SPIN1: variants seen among roughly 807,000 people sequenced by gnomAD.
SPIN1 encodes the protein spindlin-1.
In SPIN1, 3 loss-of-function variants were observed where a neutral mutation model predicts 26.0. That is an observed-to-expected ratio of 0.12 (90% CI 0.05 to 0.30). SPIN1 has a LOEUF of 0.30. Among genes scored for constraint, SPIN1 ranks in the 10% least tolerant of loss-of-function variants. The pLI, the probability that SPIN1 is intolerant of heterozygous loss-of-function variation, is 1.00. For synonymous variants in SPIN1, 101 were observed against 116.5 expected, an observed-to-expected ratio of 0.87 and a Z score of 0.86; for missense variants, 126 against 333.4, an observed-to-expected ratio of 0.38 and a Z score of 4.84.
At chr9:88,414,456 G>A (rs191358112) in intron 1 of SPIN1, among the ~76,000 whole-genome samples, 5 of 152,172 alleles carry the variant, frequency 3.3e-5, no homozygotes, top group Non-Finnish European at 5.9e-5. Flanking sequence ...CTGGAGCTGG[G>A]ACAAAGGCCA....
intron 1 of SPIN1, among the ~76,000 whole-genome samples, chr9:88,412,501 A>G (rs774331677): frequency 2.0e-5 from 3 of 152,086 alleles, no homozygotes; most frequent in African/African-American, 4.8e-5. Context: ...TGTTGTCCAT[A>G]GGTTTGGGCA....
intron 2 of SPIN1, among the ~76,000 whole-genome samples, chr9:88,442,369 G>C (rs1349343740): frequency 6.7e-6 from 1 of 148,546 alleles, no homozygotes; most frequent in Non-Finnish European, 1.5e-5. Context: ...TTATTCCTCT[G>C]TGGTAAGGTG....
intron 5 of SPIN1, 31 bp from the exon 6 acceptor site, chr9:88,475,047 C>CTCT: frequency 1.2e-6 from 1 of 839,834 alleles, no homozygotes; most frequent in East Asian, 3.8e-5. Context: ...CTCTCTCTCT[C>CTCT]TTTTTTTTTT....
intron 1 of SPIN1, among the ~76,000 whole-genome samples, chr9:88,395,622 A>AT (rs1469993913): frequency 6.6e-6 from 1 of 152,012 alleles, no homozygotes; most frequent in African/African-American, 2.4e-5. Context: ...AAACTTTTTA[A>AT]TTTTTTGTAG....
chr9:88,394,109 A>G (rs570808680), intron 1 of SPIN1, among the ~76,000 whole-genome samples: 2 of 152,306 alleles, frequency 1.3e-5, no homozygotes, highest in South Asian at 4.1e-4. Flanking sequence ...TCAGCCTCCC[A>G]AAGTGCTGGG....
chr9:88,471,582 G>A (rs1056341880), intron 5 of SPIN1, among the ~76,000 whole-genome samples: 33 of 133,156 alleles, frequency 2.5e-4, no homozygotes, highest in African/African-American at 9.2e-4. Context: ...TTGAACCTGG[G>A]AAGTGGATGT....
intron 3 of SPIN1, among the ~76,000 whole-genome samples, chr9:88,453,403 G>A (rs1341078470): frequency 6.6e-6 from 1 of 152,154 alleles, no homozygotes; most frequent in Non-Finnish European, 1.5e-5. Context: ...GAATTCTTTT[G>A]TTCCTCTTCA....
intron 5 of SPIN1, among the ~76,000 whole-genome samples, chr9:88,472,023 T>G (rs1828800535): frequency 6.6e-6 from 1 of 152,128 alleles, no homozygotes; most frequent in South Asian, 2.1e-4. Context: ...GGTCTCAAAC[T>G]CCTGGGGTGA....
At chr9:88,471,654 C>CAAAAAAAAAAAAAAAAAAAA (rs1166469042) in intron 5 of SPIN1, among the ~76,000 whole-genome samples, 1 of 59,748 alleles carries the variant, frequency 1.7e-5, no homozygotes, top group Non-Finnish European at 2.8e-5. Context: ...GACTCTGTCT[C>CAAAAAAAAAAAAAAAAAAAA]AAAAAAAAAA....
At chr9:88,421,810 C>CT (rs1308745914) in intron 1 of SPIN1, among the ~76,000 whole-genome samples, 1 of 151,998 alleles carries the variant, frequency 6.6e-6, no homozygotes, top group Non-Finnish European at 1.5e-5. Context: ...GTCTAAGTTG[C>CT]TTCTGCATCA....
At chr9:88,427,991 GTTA>G (rs1018750838) in intron 2 of SPIN1, among the ~76,000 whole-genome samples, 4 of 152,068 alleles carry the variant, frequency 2.6e-5, no homozygotes, top group African/African-American at 9.7e-5. Context: ...TTTTAATAGT[GTTA>G]TTATTGATCA....
chr9:88,420,920 T>C (rs1827656437), intron 1 of SPIN1, among the ~76,000 whole-genome samples: 1 of 152,248 alleles, frequency 6.6e-6, no homozygotes, highest in African/African-American at 2.4e-5. Context: ...TTCTGCTTTC[T>C]TCAGGCCTGT....
intron 1 of SPIN1, among the ~76,000 whole-genome samples, chr9:88,395,055 G>T (rs528412561): frequency 7.2e-5 from 11 of 151,814 alleles, no homozygotes; most frequent in African/African-American, 2.2e-4. Context: ...TGATCTGTCC[G>T]CCTCGGCCTG....
At chr9:88,442,251 A>G (rs72755896) in intron 2 of SPIN1, among the ~76,000 whole-genome samples, 4,384 of 151,982 alleles carry the variant, frequency 0.029, 86 homozygotes, top group Non-Finnish European at 0.042. Context: ...ATTCTGCAGG[A>G]TATAAAACTG....
chr9:88,414,628 G>T (rs1489975763), intron 1 of SPIN1, among the ~76,000 whole-genome samples: 1 of 152,194 alleles, frequency 6.6e-6, no homozygotes, highest in Non-Finnish European at 1.5e-5. Flanking sequence ...AGTGTCAGCT[G>T]ATGAGTTTAA....
chr9:88,422,362 A>C (rs780481290), intron 1 of SPIN1, among the ~76,000 whole-genome samples: 33 of 152,218 alleles, frequency 2.2e-4, no homozygotes, highest in Non-Finnish European at 4.1e-4. Flanking sequence ...AAAGTTAATC[A>C]CTTAGTAGAA....
chr9:88,465,382 C>T (rs2118202924), intron 4 of SPIN1, among the ~76,000 whole-genome samples: 1 of 152,232 alleles, frequency 6.6e-6, no homozygotes, highest in South Asian at 2.1e-4. Flanking sequence ...TACTGTTTTC[C>T]ACAGCAGTTG....
intron 4 of SPIN1, among the ~76,000 whole-genome samples, chr9:88,467,833 C>T (rs1307166240): frequency 1.2e-4 from 17 of 144,470 alleles, no homozygotes; most frequent in Non-Finnish European, 2.4e-4. Context: ...GGAAAACAAA[C>T]ACCAATTTCT....
intron 4 of SPIN1, among the ~76,000 whole-genome samples, chr9:88,467,147 C>T (rs1442426260): frequency 1.3e-5 from 2 of 152,022 alleles, no homozygotes; most frequent in South Asian, 2.1e-4. Context: ...CCAATGGGAT[C>T]CTTCATAGTT....
Sources: allele counts gnomAD v4.1 joint callset (sites outside exome capture counted in the v4.1 genomes callset), GRCh38; gene constraint gnomAD v4.1.1; transcripts MANE v1.5; gene names NCBI Gene and HGNC (gene_info 2026-07-23, HGNC 2026-07-21).